TUBB8B: variants seen among roughly 807,000 people sequenced by gnomAD.
TUBB8B encodes HSA18p11 beta-tubulin 4Q pseudogene.
In TUBB8B, 26 loss-of-function variants were observed where a neutral mutation model predicts 31.9. The ratio of observed to expected loss-of-function variants is 0.81; its 90% CI spans 0.60 to 1.13. The LOEUF is 1.13. TUBB8B is among the 50% of genes most tolerant of loss of function. TUBB8B has a pLI of 0.00. For missense variants in TUBB8B, 467 were observed against 586.7 expected (o/e 0.80, Z 2.11); for synonymous variants, 173 against 231.0 (o/e 0.75, Z 2.28).
the TUBB8B span, among the ~76,000 whole-genome samples, chr18:72,196 A>AAAAAAAAAAAAAAAATAAC: frequency 1.2e-5 from 1 of 84,534 alleles, no homozygotes; most frequent in Non-Finnish European, 2.4e-5. Context: ...AAAAAAAAAA[A>AAAAAAAAAAAAAAAATAAC]AAAGGAAAAA....
upstream of TUBB8B, among the ~76,000 whole-genome samples, chr18:51,542 C>T (rs1317353445): frequency 2.1e-4 from 32 of 149,122 alleles, no homozygotes; most frequent in African/African-American, 6.7e-4. Context: ...CGGGTTCAAG[C>T]GATTCTCCTG....
chr18:71,569 TAA>T, the TUBB8B span, among the ~76,000 whole-genome samples: 38 of 57,636 alleles, frequency 6.6e-4, no homozygotes, highest in Admixed American at 1.8e-3. Flanking sequence ...AAAAAAAATT[TAA>T]AAAAAAAAAA....
chr18:63,285 T>C, the TUBB8B span, among the ~76,000 whole-genome samples: 1 of 151,844 alleles, frequency 6.6e-6, no homozygotes, highest in Non-Finnish European at 1.5e-5. Context: ...GGGAACATTT[T>C]CCAGGTGTTC....
chr18:57,980 T>C, the TUBB8B span, among the ~76,000 whole-genome samples: 13 of 151,782 alleles, frequency 8.6e-5, no homozygotes, highest in Non-Finnish European at 1.3e-4. Context: ...GCTGGAGCAG[T>C]GGCCAGGATG....
At chr18:54,737 T>G in the TUBB8B span, among the ~76,000 whole-genome samples, 2 of 152,024 alleles carry the variant, frequency 1.3e-5, no homozygotes, top group African/African-American at 4.8e-5. Context: ...TGAATAGTAC[T>G]TCATTGTGTA....
Position 48,406 on chromosome 18 carries a change from T to C in TUBB8B, c.319A>G (p.Thr107Ala). Residue 107 changes from threonine to alanine, a missense_variant, in exon 4 of 4, where the codon ACA becomes GCA. Coordinates refer to ENST00000308911, the MANE Select transcript of TUBB8B (RefSeq NM_001358689.2). ...GACTCCGTCAGCTCCGCGCCTTCTGTGTAGCGTCCCTTGGCCCAGTTGTTT... is the reference window on the plus strand; with the variant it reads ...GACTCCGTCAGCTCCGCGCCTTCTGCGTAGCGTCCCTTGGCCCAGTTGTTT... Reference protein sequence around the residue: ...AGNNWAKGRYTEGAELTESVM... With the variant: ...AGNNWAKGRYAEGAELTESVM... 2 of 1,612,818 alleles carry C rather than the reference T, an allele frequency of 1.2e-6. No individual in the cohort carries two copies. Among genetic ancestry groups the C allele is most frequent in the Non-Finnish European group, 1.7e-6 (2 of 1,178,920 alleles).
At chr18:68,931 T>C in the TUBB8B span, among the ~76,000 whole-genome samples, 3 of 152,310 alleles carry the variant, frequency 2.0e-5, no homozygotes, top group East Asian at 5.8e-4. Flanking sequence ...TGTCCACCCT[T>C]AGCAAATTGT....
upstream of TUBB8B, among the ~76,000 whole-genome samples, chr18:53,224 A>C (rs1240470613): frequency 1.3e-5 from 2 of 151,908 alleles, no homozygotes; most frequent in African/African-American, 4.8e-5. Flanking sequence ...CTTGATAACC[A>C]TGAGTTCCTC....
chr18:49,620 C>T (rs555358115), upstream of TUBB8B: 58 of 753,064 alleles, frequency 7.7e-5, 3 homozygotes, highest in Non-Finnish European at 1.3e-4. Context: ...CGCAGCGACC[C>T]AGCCCGCCCT....
chr18:56,485 TCTTTC>T, the TUBB8B span, among the ~76,000 whole-genome samples: 1 of 151,884 alleles, frequency 6.6e-6, no homozygotes, highest in African/African-American at 2.4e-5. Context: ...TTTTGTCTTC[TCTTTC>T]ATTTCTTTTA....
chr18:64,064 AC>A, the TUBB8B span, among the ~76,000 whole-genome samples: 3 of 151,356 alleles, frequency 2.0e-5, no homozygotes, highest in Non-Finnish European at 4.4e-5. Flanking sequence ...CCTAACCCCA[AC>A]CCCAACACTA....
the TUBB8B span, among the ~76,000 whole-genome samples, chr18:55,698 G>T: frequency 0.13 from 19,374 of 151,590 alleles, 1,642 homozygotes; most frequent in South Asian, 0.19. Context: ...TGAGATTTGG[G>T]TGGGGACACA....
chr18:59,734 G>A, the TUBB8B span, among the ~76,000 whole-genome samples: 1 of 151,324 alleles, frequency 6.6e-6, no homozygotes, highest in African/African-American at 2.4e-5. Context: ...AGTAGAGATG[G>A]GGTTTTGCCA....
rs780464000 is a variant in TUBB8B at position 47,867 on chromosome 18, C to T, written c.858G>A (p.Val286=). The change falls in exon 4 of 4, where the codon GTG becomes GTA. Residue 286 remains valine (V), a synonymous_variant. Coordinates refer to ENST00000308911, the MANE Select transcript of TUBB8B (RefSeq NM_001358689.2). ...RGSQQYRALT[V]AELTQQMFDA... ...CAAACATCTGCTGGGTGAGCTCAGC[C>T]ACAGTCAAGGCCCGGTACTGCTGGC... 13 of 1,611,130 alleles carry T rather than the reference C, an allele frequency of 8.1e-6. No individual in the cohort carries two copies. Among genetic ancestry groups the T allele is most frequent in the African/African-American group, 4.0e-5 (3 of 74,900 alleles).
upstream of TUBB8B, among the ~76,000 whole-genome samples, chr18:53,368 T>C (rs954577347): frequency 6.6e-6 from 1 of 151,922 alleles, no homozygotes; most frequent in Non-Finnish European, 1.5e-5. Context: ...TTCTCAAGAT[T>C]GGATATAAAG....
At chr18:58,991 T>C in the TUBB8B span, among the ~76,000 whole-genome samples, 2 of 151,662 alleles carry the variant, frequency 1.3e-5, no homozygotes, top group African/African-American at 4.8e-5. Context: ...GGCAAGTTGT[T>C]ACACACTTTT....
upstream of TUBB8B, among the ~76,000 whole-genome samples, chr18:53,074 T>A (rs1179451225): frequency 6.6e-6 from 1 of 151,794 alleles, no homozygotes; most frequent in African/African-American, 2.4e-5. Context: ...TGGCCATAAA[T>A]ATTCTGCAGT....
At chr18:51,986 T>C (rs897724473), upstream of TUBB8B, among the ~76,000 whole-genome samples, 5 of 151,372 alleles carry the variant, frequency 3.3e-5, no homozygotes, top group Admixed American at 6.6e-5. Context: ...GATGGGTTTA[T>C]GGTTTGCCAG....
chr18:70,723 G>T, the TUBB8B span, among the ~76,000 whole-genome samples: 2 of 151,714 alleles, frequency 1.3e-5, no homozygotes, highest in African/African-American at 2.4e-5. Context: ...AGGCTGAGGT[G>T]GGGGGATCAC....
Sources: gnomAD v4.1 joint callset for allele counts (sites outside exome capture counted in the v4.1 genomes callset) on GRCh38, gnomAD v4.1.1 for gene constraint, MANE v1.5 for transcripts, NCBI Gene and HGNC (gene_info 2026-07-23, HGNC 2026-07-21) for gene names.